NR6A1: variants seen among roughly 807,000 people sequenced by gnomAD.
The protein encoded by NR6A1 is nuclear receptor subfamily 6 group A member 1.
In NR6A1, 7 loss-of-function variants were observed where a neutral mutation model predicts 59.1. That is an observed-to-expected ratio of 0.12 (90% confidence interval 0.07 to 0.22). The LOEUF is 0.22. Ranked by LOEUF, NR6A1 falls within the 10% of genes least tolerant of loss-of-function variation. The pLI, the probability that NR6A1 is intolerant of heterozygous loss-of-function variation, is 1.00. For synonymous variants in NR6A1, 243 were observed against 236.1 expected (o/e 1.03, Z -0.27); for missense variants, 468 against 611.6 (o/e 0.77, Z 2.48).
At chr9:124,685,268 G>C (rs896680701) in intron 2 of NR6A1, among the ~76,000 whole-genome samples, 1 of 152,186 alleles carries the variant, frequency 6.6e-6, no homozygotes, top group Non-Finnish European at 1.5e-5. Flanking sequence ...CTAAGTCTGG[G>C]ATGATGCCTA....
At chr9:124,766,798 T>C (rs1467743710) in intron 1 of NR6A1, among the ~76,000 whole-genome samples, 1 of 152,268 alleles carries the variant, frequency 6.6e-6, no homozygotes, top group Non-Finnish European at 1.5e-5. Flanking sequence ...GAATCTATCC[T>C]GGCTTTATGC....
At chr9:124,535,448 G>A (rs994698384) in intron 7 of NR6A1, among the ~76,000 whole-genome samples, 1 of 151,968 alleles carries the variant, frequency 6.6e-6, no homozygotes, top group Non-Finnish European at 1.5e-5. Context: ...TGTGGTGGCA[G>A]GCACCTGTAA....
intron 1 of NR6A1, among the ~76,000 whole-genome samples, chr9:124,741,657 T>C (rs759290662): frequency 2.6e-5 from 4 of 152,208 alleles, no homozygotes; most frequent in Non-Finnish European, 5.9e-5. Flanking sequence ...AAGAAAAAAG[T>C]TGAAACAATA....
chr9:124,734,928 C>A (rs113298429), intron 1 of NR6A1, among the ~76,000 whole-genome samples: 2 of 152,164 alleles, frequency 1.3e-5, no homozygotes, highest in African/African-American at 4.8e-5. Context: ...CTGCAACCTC[C>A]GCGCCTCCTG....
chr9:124,745,182 A>T, intron 1 of NR6A1, among the ~76,000 whole-genome samples: 1 of 152,198 alleles, frequency 6.6e-6, no homozygotes, highest in East Asian at 1.9e-4. Flanking sequence ...ACAAAGGGCA[A>T]ATACCATATT....
chr9:124,712,465 C>T (rs1839305793), intron 2 of NR6A1, among the ~76,000 whole-genome samples: 1 of 151,890 alleles, frequency 6.6e-6, no homozygotes, highest in African/African-American at 2.4e-5. Flanking sequence ...AAAAATTAGC[C>T]AGGTAGGTGA....
At chr9:124,651,230 T>A (rs1054504098) in intron 2 of NR6A1, among the ~76,000 whole-genome samples, 3 of 151,986 alleles carry the variant, frequency 2.0e-5, no homozygotes, top group African/African-American at 4.8e-5. Context: ...TTAATTTTTG[T>A]ATTTTTTTTT....
chr9:124,630,011 G>A (rs575309398), intron 2 of NR6A1, among the ~76,000 whole-genome samples: 2 of 152,162 alleles, frequency 1.3e-5, no homozygotes, highest in East Asian at 3.9e-4. Context: ...AATAAACCAC[G>A]TTGCCCAAAT....
intron 2 of NR6A1, among the ~76,000 whole-genome samples, chr9:124,628,089 G>A (rs969698348): frequency 2.9e-4 from 44 of 152,140 alleles, no homozygotes; most frequent in African/African-American, 8.2e-4. Context: ...ATGCAGCGGT[G>A]CAATCTCAGC....
intron 3 of NR6A1, 24 bp from the exon 4 acceptor site, chr9:124,543,881 A>G (rs1319058808): frequency 1.2e-6 from 2 of 1,610,752 alleles, no homozygotes; most frequent in Admixed American, 3.3e-5. Flanking sequence ...TAAGTCAAGA[A>G]AGGCAGTCAG....
At chr9:124,584,849 G>A (rs1389983688) in intron 2 of NR6A1, among the ~76,000 whole-genome samples, 5 of 152,122 alleles carry the variant, frequency 3.3e-5, no homozygotes, top group South Asian at 2.1e-4. Context: ...GCTAGAAATC[G>A]TTAAGCTTAA....
chr9:124,672,548 G>A (rs1837827554), intron 2 of NR6A1, among the ~76,000 whole-genome samples: 1 of 152,038 alleles, frequency 6.6e-6, no homozygotes, highest in Non-Finnish European at 1.5e-5. Flanking sequence ...CTGGGAGGCA[G>A]AGGTTGCAGT....
intron 4 of NR6A1, among the ~76,000 whole-genome samples, chr9:124,541,899 A>C (rs1833459231): frequency 6.6e-6 from 1 of 152,250 alleles, no homozygotes; most frequent in Admixed American, 6.5e-5. Flanking sequence ...ACATTACACC[A>C]AGTGCAATAA....
At chr9:124,546,461 T>C (rs1039072039) in intron 3 of NR6A1, among the ~76,000 whole-genome samples, 3 of 152,244 alleles carry the variant, frequency 2.0e-5, no homozygotes, top group Non-Finnish European at 4.4e-5. Context: ...TTAATTATTC[T>C]TAAATTATAC....
intron 2 of NR6A1, among the ~76,000 whole-genome samples, chr9:124,659,631 C>T (rs1837369872): frequency 6.6e-6 from 1 of 152,226 alleles, no homozygotes; most frequent in African/African-American, 2.4e-5. Context: ...GTAATCTACA[C>T]ACTACTGCTT....
At chr9:124,735,214 CTG>C (rs1272506302) in intron 1 of NR6A1, among the ~76,000 whole-genome samples, 2 of 152,214 alleles carry the variant, frequency 1.3e-5, no homozygotes, top group Non-Finnish European at 2.9e-5. Context: ...TCTTGCCTTT[CTG>C]TGAGTCCTCC....
intron 2 of NR6A1, among the ~76,000 whole-genome samples, chr9:124,696,425 C>T (rs1356696864): frequency 1.3e-5 from 2 of 151,412 alleles, no homozygotes; most frequent in Non-Finnish European, 2.9e-5. Context: ...TCATCCTGTT[C>T]GGTGTATAGC....
intron 2 of NR6A1, among the ~76,000 whole-genome samples, chr9:124,732,850 C>G (rs938154454): frequency 3.9e-5 from 6 of 152,124 alleles, no homozygotes; most frequent in African/African-American, 1.4e-4. Context: ...GCACCCGCCA[C>G]CACGCCCGGC....
In NR6A1 at chr9:124,771,273, GCCGCTCCGCGCCCCT is replaced by G. The variant is rs1564276705; in HGVS notation, c.-169_-155del. The stretch of plus-strand genomic sequence containing the variant: ...TGGGCCCCGAGCCGCCCGGCTCCGC[GCCGCTCCGCGCCCCT>G]CCGCGCCGCGCCCCCTCAGCACTGG... On this transcript the variant is annotated 5_prime_UTR_variant, in exon 1 of 10. Transcript: ENST00000487099. 5.0e-6 allele frequency: 2 copies of G among 401,048 alleles called. No individual in the cohort carries two copies. Among genetic ancestry groups the G allele is most frequent in the African/African-American group, 2.1e-5 (1 of 48,154 alleles). The allele number at this position is 401,048 out of a possible 1,614,324, so 24.8% of individuals were successfully genotyped here. A position where few individuals can be genotyped will look rare whatever the true frequency, so the allele number is the denominator to read the frequency against.
Sources: allele counts gnomAD v4.1 joint callset (sites outside exome capture counted in the v4.1 genomes callset), GRCh38; gene constraint gnomAD v4.1.1; transcripts MANE v1.5; gene names NCBI Gene and HGNC (gene_info 2026-07-23, HGNC 2026-07-21).